The following FTO variants were observed in gnomAD, a reference collection of about 807,000 sequenced individuals.
The protein encoded by FTO is alpha-ketoglutarate-dependent dioxygenase FTO.
Under a neutral mutation model 63.9 loss-of-function variants are expected in FTO, and 47 were observed. That is an observed-to-expected ratio of 0.74 (90% CI 0.58 to 0.94). FTO has a LOEUF of 0.94. Among genes scored for constraint, FTO ranks in the 40% least tolerant of loss-of-function variants. FTO has a pLI of 0.00. For synonymous variants in FTO, 207 were observed against 224.4 expected (o/e 0.92, Z 0.69); for missense variants, 562 against 618.1 (o/e 0.91, Z 0.96).
chr16:53,978,615 G>A (rs1357922963), intron 8 of FTO, among the ~76,000 whole-genome samples: 5 of 152,172 alleles, frequency 3.3e-5, no homozygotes, highest in African/African-American at 1.2e-4. Flanking sequence ...CTCTTTTGTG[G>A]CCAAGTACTT....
intron 1 of FTO, among the ~76,000 whole-genome samples, chr16:53,727,353 G>A (rs139936522): frequency 6.6e-6 from 1 of 152,342 alleles, no homozygotes; most frequent in East Asian, 1.9e-4. Context: ...TGGTCTCTAT[G>A]TAGTGTTGCA....
chr16:53,856,426 G>A (rs1272646104), intron 4 of FTO, among the ~76,000 whole-genome samples: 4 of 151,310 alleles, frequency 2.6e-5, no homozygotes, highest in Non-Finnish European at 5.9e-5. Flanking sequence ...CCGTGAAGGT[G>A]ATAAGAGCTT....
chr16:53,830,164 C>T (rs1045300889), intron 3 of FTO, among the ~76,000 whole-genome samples: 2 of 152,098 alleles, frequency 1.3e-5, no homozygotes, highest in East Asian at 1.9e-4. Flanking sequence ...GTATAGGATA[C>T]GTGTAATTAT....
At chr16:53,804,211 C>CA (rs1208470067) in intron 1 of FTO, among the ~76,000 whole-genome samples, 3 of 152,186 alleles carry the variant, frequency 2.0e-5, no homozygotes, top group African/African-American at 7.2e-5. Context: ...GCTATACACA[C>CA]ATAACAAAGG....
chr16:54,001,384 T>C (rs1174372438), intron 8 of FTO, among the ~76,000 whole-genome samples: 1 of 152,198 alleles, frequency 6.6e-6, no homozygotes, highest in Non-Finnish European at 1.5e-5. Flanking sequence ...CTTCTGAGTA[T>C]GATTCCGTAC....
At position 54,002,739 on chromosome 16, in the gene FTO, T is replaced by C. The variant is rs190624720; in HGVS notation, c.1364+68630T>C. ...TTAAGTGCTGTCGTAGAAACTTGTG[T>C]CTACAAAAGACAGATAAAAACAAGT... On this transcript the variant is annotated intron_variant, in intron 8 of 8. Coordinates refer to ENST00000471389, the MANE Select transcript of FTO (RefSeq NM_001080432.3). 4.6e-5 allele frequency among the ~76,000 whole-genome samples: 7 copies of C among 152,338 alleles called. No homozygotes were observed. The East Asian group carries it at 1.3e-3, about 29-fold the overall frequency.
At chr16:54,107,780 C>T (rs866640655) in intron 8 of FTO, among the ~76,000 whole-genome samples, 7 of 152,198 alleles carry the variant, frequency 4.6e-5, no homozygotes, top group Non-Finnish European at 8.8e-5. Context: ...CAAACAGCAT[C>T]GTACAGGACC....
chr16:53,836,293 A>G (rs2079291066), intron 3 of FTO, among the ~76,000 whole-genome samples: 1 of 152,220 alleles, frequency 6.6e-6, no homozygotes, highest in South Asian at 2.1e-4. Flanking sequence ...TGGTCAAGAA[A>G]TGAAACATAT....
intron 7 of FTO, among the ~76,000 whole-genome samples, chr16:53,899,755 G>A (rs574736635): frequency 5.9e-5 from 9 of 152,256 alleles, no homozygotes; most frequent in South Asian, 4.1e-4. Context: ...TTTGGGGGAC[G>A]GGAATAGGGG....
intron 8 of FTO, among the ~76,000 whole-genome samples, chr16:54,055,901 A>G (rs756420510): frequency 6.6e-6 from 1 of 152,174 alleles, no homozygotes; most frequent in Non-Finnish European, 1.5e-5. Flanking sequence ...CTGGCTGAAG[A>G]ATGAAGGTGT....
intron 4 of FTO, among the ~76,000 whole-genome samples, chr16:53,867,529 TTGTGTG>T (rs1301449010): frequency 7.5e-6 from 1 of 133,032 alleles, no homozygotes; most frequent in Non-Finnish European, 1.6e-5. Context: ...GTGTGTGTGT[TTGTGTG>T]TACCTATGTA....
intron 1 of FTO, among the ~76,000 whole-genome samples, chr16:53,725,830 C>T (rs1402342934): frequency 1.3e-5 from 2 of 152,136 alleles, no homozygotes; most frequent in African/African-American, 4.8e-5. Flanking sequence ...AAGTTCAAAC[C>T]TCTAAAGGCT....
chr16:53,829,633 T>A (rs921940144), intron 3 of FTO, among the ~76,000 whole-genome samples: 6 of 152,188 alleles, frequency 3.9e-5, no homozygotes, highest in Admixed American at 1.3e-4. Context: ...TCATAGAGAG[T>A]GGACACTTCA....
intron 7 of FTO, among the ~76,000 whole-genome samples, chr16:53,930,981 G>A (rs1298470623): frequency 6.6e-6 from 1 of 152,006 alleles, no homozygotes; most frequent in Non-Finnish European, 1.5e-5. Flanking sequence ...TATTTTGTGG[G>A]CAATGGGGAT....
chr16:53,860,881 AACACACACACACACACACACAC>A (rs35826323), intron 4 of FTO, among the ~76,000 whole-genome samples: 21 of 145,832 alleles, frequency 1.4e-4, no homozygotes, highest in African/African-American at 5.0e-4. Context: ...AAATGTTTTT[AACACACACACACACACACACAC>A]ACACACACAC....
At chr16:53,812,454 C>T (rs1460091852) in intron 2 of FTO, among the ~76,000 whole-genome samples, 1 of 152,010 alleles carries the variant, frequency 6.6e-6, no homozygotes, top group Non-Finnish European at 1.5e-5. Flanking sequence ...AACTCCTGAC[C>T]TCAAGTGATT....
intron 1 of FTO, among the ~76,000 whole-genome samples, chr16:53,740,275 A>G (rs2076501166): frequency 1.3e-5 from 2 of 152,180 alleles, no homozygotes; most frequent in South Asian, 4.1e-4. Flanking sequence ...GGGTAGGTGT[A>G]GAGTGTATTT....
At chr16:53,873,037 T>A (rs1014769512) in intron 4 of FTO, among the ~76,000 whole-genome samples, 1 of 152,188 alleles carries the variant, frequency 6.6e-6, no homozygotes, top group Non-Finnish European at 1.5e-5. Context: ...GGGTTGTGAA[T>A]CCCTACACTT....
At chr16:53,704,339 A>T (rs1216040146) in intron 1 of FTO, 110 bp downstream of exon 1, 6 of 1,053,640 alleles carry the variant, frequency 5.7e-6, no homozygotes, top group African/African-American at 3.1e-5. Flanking sequence ...AAACTAAGGG[A>T]TGACAGGGCC....
Sources: gnomAD v4.1 joint callset for allele counts (sites outside exome capture counted in the v4.1 genomes callset) on GRCh38, gnomAD v4.1.1 for gene constraint, MANE v1.5 for transcripts, NCBI Gene and HGNC (gene_info 2026-07-23, HGNC 2026-07-21) for gene names.